Variants in OPCML observed in about 807,000 individuals in gnomAD.
OPCML encodes opioid binding protein/cell adhesion molecule like.
In OPCML, 13 loss-of-function variants were observed where a neutral mutation model predicts 37.8. The ratio of observed to expected loss-of-function variants is 0.34; its 90% CI spans 0.22 to 0.55. The LOEUF (loss-of-function observed/expected upper bound fraction) is 0.55. Among genes scored for constraint, OPCML ranks in the 20% least tolerant of loss-of-function variants. The pLI is 0.91. For synonymous variants in OPCML, 176 were observed against 168.8 expected, an observed-to-expected ratio of 1.04 and a Z score of -0.33; for missense variants, 341 against 435.6, an observed-to-expected ratio of 0.78 and a Z score of 1.93.
At chr11:133,330,489 T>C (rs572523867) in intron 1 of OPCML, among the ~76,000 whole-genome samples, 1 of 152,212 alleles carries the variant, frequency 6.6e-6, no homozygotes, top group East Asian at 1.9e-4. Flanking sequence ...ATATACACCA[T>C]GGAATACTAT....
At chr11:132,701,762 TTGTGTGTGTGTGTGTGTG>T (rs34453558) in intron 2 of OPCML, among the ~76,000 whole-genome samples, 2,532 of 142,782 alleles carry the variant, frequency 0.018, 68 homozygotes, top group African/African-American at 0.061. Context: ...AATTTGATGA[TTGTGTGTGTGTGTGTGTG>T]TGTGTGTGTG....
At chr11:132,841,738 G>A (rs1228099688) in intron 2 of OPCML, among the ~76,000 whole-genome samples, 8 of 151,784 alleles carry the variant, frequency 5.3e-5, no homozygotes, top group Non-Finnish European at 8.8e-5. Flanking sequence ...GTGAGAGCCT[G>A]TAATGCCAGC....
chr11:132,661,085 C>T (rs1359172111), intron 2 of OPCML, among the ~76,000 whole-genome samples: 1 of 152,128 alleles, frequency 6.6e-6, no homozygotes, highest in East Asian at 1.9e-4. Flanking sequence ...CAAAACTACT[C>T]TGTGGGCCAG....
intron 1 of OPCML, among the ~76,000 whole-genome samples, chr11:133,358,010 G>A (rs536999756): frequency 3.0e-4 from 45 of 152,204 alleles, no homozygotes; most frequent in African/African-American, 1.0e-3. Context: ...ACTCCAGTGC[G>A]AGGGCCCCTC....
chr11:132,704,368 T>C (rs1262298893), intron 2 of OPCML, among the ~76,000 whole-genome samples: 1 of 151,942 alleles, frequency 6.6e-6, no homozygotes, highest in Non-Finnish European at 1.5e-5. Context: ...ACAAAGAGGA[T>C]GATATTGGAT....
In OPCML at chr11:133,091,283, T is replaced by G. The variant is rs185482814; in HGVS notation, c.62-148273A>C. On this transcript the variant is annotated intron_variant, in intron 1 of 7. Transcript: ENST00000524381. ...ATTTCAAAAGATGCCTCAGAGAGCC[T>G]CAGGGCCCAGGCAGAAAACTTCCAC... is the stretch of plus-strand genomic sequence containing the variant. Among the ~76,000 whole-genome samples, 435 of 152,242 alleles carry G rather than the reference T, an allele frequency of 2.9e-3. 2 individuals carry two copies. Among genetic ancestry groups the G allele is most frequent in the African/African-American group, 0.01 (423 of 41,544 alleles).
intron 4 of OPCML, among the ~76,000 whole-genome samples, chr11:132,508,252 A>G (rs143636869): frequency 6.6e-5 from 10 of 152,340 alleles, no homozygotes; most frequent in African/African-American, 2.4e-4. Flanking sequence ...TGATACCAAA[A>G]CCAGTCAGTA....
chr11:133,411,500 TG>T (rs971670553), intron 1 of OPCML, among the ~76,000 whole-genome samples: 1 of 152,176 alleles, frequency 6.6e-6, no homozygotes, highest in Admixed American at 6.5e-5. Flanking sequence ...GTCCCAGGCC[TG>T]GCCAGCCCTA....
chr11:132,750,511 G>A (rs758053278), intron 2 of OPCML, among the ~76,000 whole-genome samples: 6 of 152,106 alleles, frequency 3.9e-5, no homozygotes, highest in African/African-American at 9.7e-5. Flanking sequence ...GCATGGGTGC[G>A]TGCACACTCT....
At chr11:132,788,097 T>A (rs879646077) in intron 2 of OPCML, among the ~76,000 whole-genome samples, 1 of 152,178 alleles carries the variant, frequency 6.6e-6, no homozygotes, top group Admixed American at 6.5e-5. Context: ...GCCAGGATGA[T>A]CTCGATCTCT....
chr11:132,978,097 G>A (rs1044880591), intron 1 of OPCML, among the ~76,000 whole-genome samples: 2 of 152,180 alleles, frequency 1.3e-5, no homozygotes, highest in Non-Finnish European at 2.9e-5. Context: ...AATACCGGAT[G>A]CCGGCGGGCT....
chr11:133,456,858 A>G (rs993784765), intron 1 of OPCML, among the ~76,000 whole-genome samples: 2 of 152,190 alleles, frequency 1.3e-5, no homozygotes, highest in Non-Finnish European at 2.9e-5. Context: ...AGGAAAAACT[A>G]TTAAAAAATT....
rs1395336670 is a variant in OPCML at position 133,532,464 on chromosome 11, G to C, written c.-140C>G. 3 of 979,380 alleles carry C rather than the reference G, an allele frequency of 3.1e-6. No individual in the cohort carries two copies. The highest frequency in any genetic ancestry group is 3.2e-5 in the African/African-American group (2 of 62,558). 60.7% of individuals were successfully genotyped at this position (979,380 alleles called of 1,614,324 possible). A position where few individuals can be genotyped will look rare whatever the true frequency, so the allele number is the denominator to read the frequency against. Reference sequence around the variant, plus strand: ...GGAGGGAGAGAGCAGAAGAGAGAGAGAGCGCGCGAGAGATGGGAGCAGGCA... The same window carrying C: ...GGAGGGAGAGAGCAGAAGAGAGAGACAGCGCGCGAGAGATGGGAGCAGGCA... On this transcript the variant is annotated 5_prime_UTR_variant, in exon 1 of 8. Transcript: ENST00000524381.
In OPCML at chr11:133,242,123, A is replaced by C. The variant is rs116020464; in HGVS notation, c.61+290141T>G. Among the ~76,000 whole-genome samples the C allele has an allele frequency of 2.6e-3, 390 of 152,306 alleles. 2 individuals are homozygous for C. Among genetic ancestry groups the C allele is most frequent in the African/African-American group, 8.7e-3 (361 of 41,558 alleles). On this transcript the variant is annotated intron_variant, in intron 1 of 7. Transcript: ENST00000524381. The stretch of plus-strand genomic sequence containing the variant: ...CCACTCCTTGCATTCTCAGAAAATA[A>C]ATCACCGAAGATGTATTGAGCCCCT...
intron 1 of OPCML, among the ~76,000 whole-genome samples, chr11:133,229,309 C>A (rs1415202012): frequency 6.6e-6 from 1 of 152,258 alleles, no homozygotes; most frequent in Admixed American, 6.5e-5. Context: ...TTGGCATGGT[C>A]TGAAAATATT....
chr11:132,475,915 G>T (rs2096153788), intron 4 of OPCML, among the ~76,000 whole-genome samples: 1 of 152,100 alleles, frequency 6.6e-6, no homozygotes, highest in African/African-American at 2.4e-5. Context: ...GTGACACACA[G>T]ACAAATCCAT....
chr11:133,153,960 C>A (rs1012709347), intron 1 of OPCML, among the ~76,000 whole-genome samples: 4 of 151,980 alleles, frequency 2.6e-5, no homozygotes, highest in Admixed American at 2.6e-4. Flanking sequence ...ACCGAGAACA[C>A]GGAAGTGCCC....
At chr11:133,441,984 T>TA (rs1363762563) in intron 1 of OPCML, among the ~76,000 whole-genome samples, 1 of 152,162 alleles carries the variant, frequency 6.6e-6, no homozygotes, top group East Asian at 1.9e-4. Flanking sequence ...AAAATGCTAA[T>TA]AATAATAATA....
intron 1 of OPCML, among the ~76,000 whole-genome samples, chr11:133,119,490 C>T (rs1401397418): frequency 6.6e-6 from 1 of 151,992 alleles, no homozygotes; most frequent in African/African-American, 2.4e-5. Flanking sequence ...CCAAAGGTTA[C>T]CAAGCGCTTC....
Sources: gnomAD v4.1 joint callset for allele counts (sites outside exome capture counted in the v4.1 genomes callset) on GRCh38, gnomAD v4.1.1 for gene constraint, MANE v1.5 for transcripts, NCBI Gene and HGNC (gene_info 2026-07-23, HGNC 2026-07-21) for gene names.